TFEB: variants seen among roughly 807,000 people sequenced by gnomAD.
TFEB encodes the protein transcription factor EB, also known as T-cell transcription factor EB.
Under a neutral mutation model 48.0 loss-of-function variants are expected in TFEB, and 12 were observed. The observed-to-expected ratio is 0.25, with a 90% CI of 0.16 to 0.40. The LOEUF (loss-of-function observed/expected upper bound fraction) is 0.40, where lower values mean the gene tolerates loss of function less well. Among genes scored for constraint, TFEB ranks in the 10% least tolerant of loss-of-function variants. The pLI, the probability that TFEB is intolerant of heterozygous loss-of-function variation, is 1.00. For missense variants in TFEB, 509 were observed against 640.3 expected (o/e 0.79, Z 2.21); for synonymous variants, 244 against 261.4 (o/e 0.93, Z 0.64).
intron 1 of TFEB, among the ~76,000 whole-genome samples, chr6:41,727,316 G>GGA (rs968752910): frequency 7.2e-5 from 11 of 152,182 alleles, no homozygotes; most frequent in Non-Finnish European, 1.5e-4. Context: ...ACAAAGAGCA[G>GGA]GAGAGAGAGA....
In TFEB at chr6:41,723,222, AT is replaced by A. The variant is rs1331203522; in HGVS notation, c.-23+12127del. The stretch of plus-strand genomic sequence containing the variant: ...CCAGAGCTTGGCCACCTTCTTCCCC[AT>A]TCTTTCCCTCACCCCAGCCTTGGCC... On this transcript the variant is annotated intron_variant, in intron 1 of 8. Coordinates refer to ENST00000373033, the MANE Select transcript of TFEB (RefSeq NM_001271944.2). The surrounding 1 kb of genome is among the most constrained non-coding windows in gnomAD (Gnocchi z 6.0). Among the ~76,000 whole-genome samples the A allele has an allele frequency of 6.6e-6, 1 of 151,576 alleles. No individual in the cohort carries two copies. The highest frequency in any genetic ancestry group is 2.4e-5 in the African/African-American group (1 of 41,190).
rs1771612944 is a variant in TFEB, at chr6:41,734,921, C to T, written c.-23+429G>A. ...CTACCTCCGACCCCCTCTCAGGCAT[C>T]GCCGGCCCCAGCCGTGTCCGGTGGA... On this transcript the variant is annotated intron_variant, in intron 1 of 8. Transcript: ENST00000373033. The surrounding 1 kb of genome is among the most constrained non-coding windows in gnomAD (Gnocchi z 4.0). 1 of 985,312 alleles carries T rather than the reference C, an allele frequency of 1.0e-6. No homozygotes were observed. The highest frequency in any genetic ancestry group is 1.2e-6 in the Non-Finnish European group (1 of 829,984). The allele number at this position is 985,312 out of a possible 1,614,324, so 61.0% of individuals were successfully genotyped here. A position where few individuals can be genotyped will look rare whatever the true frequency, so the allele number is the denominator to read the frequency against.
At chr6:41,706,235 C>T (rs894594793) in intron 1 of TFEB, among the ~76,000 whole-genome samples, 7 of 152,218 alleles carry the variant, frequency 4.6e-5, no homozygotes, top group African/African-American at 7.2e-5. Flanking sequence ...TGCCAGACAG[C>T]TGGAGGGGAT....
intron 1 of TFEB, among the ~76,000 whole-genome samples, chr6:41,722,660 C>T (rs1274691359): frequency 6.6e-6 from 1 of 152,236 alleles, no homozygotes; most frequent in African/African-American, 2.4e-5. Flanking sequence ...AGATGAATCA[C>T]TGGGCACAGT....
At chr6:41,717,335 C>T (rs1304925852) in intron 1 of TFEB, among the ~76,000 whole-genome samples, 1 of 152,152 alleles carries the variant, frequency 6.6e-6, no homozygotes, top group African/African-American at 2.4e-5. Context: ...CAGCCAGGGC[C>T]TCCTTTTCCC....
intron 1 of TFEB, among the ~76,000 whole-genome samples, chr6:41,712,567 C>T (rs2127251795): frequency 6.6e-6 from 1 of 152,330 alleles, no homozygotes. Flanking sequence ...CCAAAAGGTC[C>T]TGGTACCCCA....
chr6:41,704,942 A>G (rs985463015), intron 1 of TFEB, among the ~76,000 whole-genome samples: 2 of 152,174 alleles, frequency 1.3e-5, no homozygotes, highest in African/African-American at 2.4e-5. Flanking sequence ...GGGGAAAACA[A>G]TCCAGGTCTA....
Position 41,704,272 on chromosome 6 carries a change from G to A in TFEB, c.-22-13037C>T, listed in dbSNP as rs367771539. 9.6e-4 allele frequency among the ~76,000 whole-genome samples: 146 copies of A among 152,342 alleles called. 2 individuals are homozygous for A. In the South Asian group the frequency reaches 0.027, roughly 28 times the overall value. On this transcript the variant is annotated intron_variant, in intron 1 of 8. Transcript: ENST00000373033. Reference sequence around the variant, plus strand: ...GCCGGGCTTAGTGGATCACGAATATGCTCTGGACCCTGACAGACCAGAATT... The same window carrying A: ...GCCGGGCTTAGTGGATCACGAATATACTCTGGACCCTGACAGACCAGAATT...
intron 1 of TFEB, among the ~76,000 whole-genome samples, chr6:41,728,683 G>T (rs993879092): frequency 4.6e-5 from 7 of 152,054 alleles, no homozygotes; most frequent in Non-Finnish European, 1.0e-4. Context: ...AACTCGGGGA[G>T]GGGGGGTTGG....
At chr6:41,729,005 G>C (rs924407665) in intron 1 of TFEB, among the ~76,000 whole-genome samples, 6 of 152,002 alleles carry the variant, frequency 3.9e-5, no homozygotes, top group African/African-American at 1.5e-4. Flanking sequence ...AGGTGCTAGG[G>C]GTACGGCACG....
intron 1 of TFEB, among the ~76,000 whole-genome samples, chr6:41,708,357 C>T (rs931539265): frequency 1.3e-5 from 2 of 152,216 alleles, no homozygotes; most frequent in African/African-American, 4.8e-5. Context: ...ATCAGGGCCC[C>T]AGCCACATGC....
chr6:41,705,268 C>T (rs1043646076), intron 1 of TFEB, among the ~76,000 whole-genome samples: 4 of 152,214 alleles, frequency 2.6e-5, no homozygotes, highest in African/African-American at 9.7e-5. Flanking sequence ...CTCTGCCTCC[C>T]ACCTGCCTAA....
chr6:41,709,149 A>G (rs952390633), intron 1 of TFEB, among the ~76,000 whole-genome samples: 1 of 152,230 alleles, frequency 6.6e-6, no homozygotes, highest in Non-Finnish European at 1.5e-5. Flanking sequence ...ATGCCTGTTC[A>G]TTCAATAACA....
In TFEB at chr6:41,686,234, G is replaced by A. The variant is rs767694923; in HGVS notation, c.807C>T (p.Asp269=). The part of the protein sequence containing the change: ...GMLIPKANDL[D]VRWNKGTILK... ...GGATGGTGCCCTTGTTCCAGCGCACGTCCCTGCAGCAGCAGGCCAGGCAAA... is the reference window on the plus strand; with the variant it reads ...GGATGGTGCCCTTGTTCCAGCGCACATCCCTGCAGCAGCAGGCCAGGCAAA... The change falls in exon 8 of 9, where the codon GAC becomes GAT. Residue 269 remains aspartate (D), a synonymous_variant. Coordinates refer to ENST00000373033, the MANE Select transcript of TFEB (RefSeq NM_001271944.2). 36 of 1,613,912 alleles carry A rather than the reference G, an allele frequency of 2.2e-5. No homozygotes were observed. The South Asian group carries it at 3.3e-4, about 15-fold the overall frequency.
At chr6:41,704,138 T>C (rs1474892192) in intron 1 of TFEB, among the ~76,000 whole-genome samples, 1 of 152,100 alleles carries the variant, frequency 6.6e-6, no homozygotes, top group Non-Finnish European at 1.5e-5. Flanking sequence ...CAAGATATCC[T>C]TTCCATCCAA....
intron 1 of TFEB, among the ~76,000 whole-genome samples, chr6:41,695,595 G>A (rs986853896): frequency 5.3e-5 from 8 of 152,106 alleles, no homozygotes; most frequent in Admixed American, 5.2e-4. Flanking sequence ...ATGGAGATTT[G>A]ATCCAGGCAG....
intron 1 of TFEB, among the ~76,000 whole-genome samples, chr6:41,725,653 G>A (rs1771174378): frequency 6.6e-6 from 1 of 152,270 alleles, no homozygotes; most frequent in South Asian, 2.1e-4. Context: ...ATTCCTATCA[G>A]TAAAAACTTT....
chr6:41,703,992 G>C (rs1397254564), intron 1 of TFEB, among the ~76,000 whole-genome samples: 14 of 152,192 alleles, frequency 9.2e-5, no homozygotes, highest in Non-Finnish European at 1.8e-4. Context: ...TGTCTGGAAA[G>C]TGCCAGAGGA....
intron 1 of TFEB, among the ~76,000 whole-genome samples, chr6:41,711,025 T>G (rs186956137): frequency 1.0e-3 from 156 of 152,360 alleles, no homozygotes; most frequent in Non-Finnish European, 1.8e-3. Flanking sequence ...CATCACCTGA[T>G]AGCATATATT....
Sources: gnomAD v4.1 joint callset for allele counts (sites outside exome capture counted in the v4.1 genomes callset) on GRCh38, gnomAD v4.1.1 for gene constraint, Gnocchi (gnomAD v3.1) non-coding constraint, MANE v1.5 for transcripts, NCBI Gene and HGNC (gene_info 2026-07-23, HGNC 2026-07-21) for gene names.